The following CLASP1 variants were observed in gnomAD, a reference collection of about 807,000 sequenced individuals.
CLASP1 encodes CLIP-associating protein 1.
In CLASP1, 38 loss-of-function variants were observed where a neutral mutation model predicts 192.3. The observed-to-expected ratio is 0.20, with a 90% CI of 0.15 to 0.26. The LOEUF is 0.26. Among genes scored for constraint, CLASP1 ranks in the 10% least tolerant of loss-of-function variants. The probability of loss-of-function intolerance (pLI) is 1.00; values close to 1 mark genes in which losing one functional copy is unlikely to be tolerated. For synonymous variants in CLASP1, 691 were observed against 712.8 expected (o/e 0.97, Z 0.49); for missense variants, 1,433 against 1,932.5 (o/e 0.74, Z 4.85).
chr2:121,550,846 G>A (rs1271990691), intron 2 of CLASP1, among the ~76,000 whole-genome samples: 1 of 151,946 alleles, frequency 6.6e-6, no homozygotes, highest in Non-Finnish European at 1.5e-5. Flanking sequence ...TTGAGGAGGA[G>A]GGACTCCTAC....
chr2:121,407,287 T>G (rs1369823660), intron 25 of CLASP1, among the ~76,000 whole-genome samples, 184 bp downstream of exon 26: 2 of 151,750 alleles, frequency 1.3e-5, no homozygotes, highest in Non-Finnish European at 2.9e-5. Flanking sequence ...GCAAAGCAAA[T>G]GGATGGCAAG....
intron 2 of CLASP1, among the ~76,000 whole-genome samples, chr2:121,593,680 T>A (rs1216511632): frequency 2.0e-5 from 3 of 147,286 alleles, no homozygotes; most frequent in Non-Finnish European, 4.5e-5. Flanking sequence ...AAATGTAGTG[T>A]GTGTTCCAGA....
At chr2:121,400,517 T>C (rs759574998) in intron 28 of CLASP1, among the ~76,000 whole-genome samples, 2 of 152,094 alleles carry the variant, frequency 1.3e-5, no homozygotes, top group Non-Finnish European at 2.9e-5. Flanking sequence ...GTGCTATCCA[T>C]ACCACCCCCC....
chr2:121,409,125 G>C (rs2077324901), intron 24 of CLASP1: 1 of 1,227,474 alleles, frequency 8.1e-7, no homozygotes, highest in Non-Finnish European at 1.2e-6. Flanking sequence ...GATTGTTCTT[G>C]CAACAAAAGT....
At chr2:121,578,546 G>C (rs868555672) in intron 2 of CLASP1, among the ~76,000 whole-genome samples, 1 of 151,182 alleles carries the variant, frequency 6.6e-6, no homozygotes, top group African/African-American at 2.4e-5. Context: ...TGGCCAACAC[G>C]GTGAAACCCC....
At chr2:121,510,428 A>G (rs59341062) in intron 7 of CLASP1, among the ~76,000 whole-genome samples, 1 of 152,248 alleles carries the variant, frequency 6.6e-6, no homozygotes, top group African/African-American at 2.4e-5. Context: ...TATGCCAACA[A>G]TTAGATAACC....
At chr2:121,418,322 C>T (rs895693907) in intron 23 of CLASP1, among the ~76,000 whole-genome samples, 2 of 152,216 alleles carry the variant, frequency 1.3e-5, no homozygotes, top group East Asian at 3.8e-4. Flanking sequence ...CAACTAACTT[C>T]GGCTGAGTTT....
chr2:121,419,621 C>T (rs1472222691), intron 22 of CLASP1, among the ~76,000 whole-genome samples: 1 of 152,022 alleles, frequency 6.6e-6, no homozygotes, highest in African/African-American at 2.4e-5. Context: ...ACCGAGACTA[C>T]AAGACAGAAT....
chr2:121,355,640 G>C (rs1191251701), intron 37 of CLASP1, among the ~76,000 whole-genome samples: 1 of 152,210 alleles, frequency 6.6e-6, no homozygotes, highest in Non-Finnish European at 1.5e-5. Context: ...CAAGCTGCCT[G>C]AATCAGGGTG....
At chr2:121,573,683 T>C (rs2060186525) in intron 2 of CLASP1, among the ~76,000 whole-genome samples, 1 of 152,244 alleles carries the variant, frequency 6.6e-6, no homozygotes, top group Admixed American at 6.5e-5. Context: ...TTTGTATCAG[T>C]ATCAATATCC....
chr2:121,478,131 C>T (rs538044124), intron 8 of CLASP1, among the ~76,000 whole-genome samples: 11 of 152,122 alleles, frequency 7.2e-5, no homozygotes, highest in Admixed American at 2.0e-4. Context: ...AAATAATTAA[C>T]ATTATAGCCA....
intron 2 of CLASP1, among the ~76,000 whole-genome samples, chr2:121,577,925 C>CTGAT (rs1051873094): frequency 4.6e-5 from 7 of 151,946 alleles, no homozygotes; most frequent in Admixed American, 3.3e-4. Context: ...ATTTCATTGA[C>CTGAT]TGATTGATTG....
At chr2:121,418,873 T>C (rs2079032814) in intron 22 of CLASP1, 144 bp from the exon 23 acceptor site, 3 of 627,886 alleles carry the variant, frequency 4.8e-6, no homozygotes, top group Non-Finnish European at 5.8e-6. Flanking sequence ...CACCTATCCA[T>C]GCTGAGGTCT....
At chr2:121,411,960 T>A (rs1309874942) in intron 23 of CLASP1, among the ~76,000 whole-genome samples, 1 of 152,192 alleles carries the variant, frequency 6.6e-6, no homozygotes, top group African/African-American at 2.4e-5. Context: ...TGTTAACAAA[T>A]AAGACTTCGT....
chr2:121,397,408 T>C (rs1430538526), intron 29 of CLASP1, 125 bp from the exon 31 acceptor site: 2 of 779,972 alleles, frequency 2.6e-6, no homozygotes, highest in African/African-American at 1.7e-5. Context: ...CCTGTATCGA[T>C]AGTTTCCACG....
chr2:121,586,285 C>A (rs533675870), intron 2 of CLASP1, among the ~76,000 whole-genome samples: 13 of 152,180 alleles, frequency 8.5e-5, no homozygotes, highest in African/African-American at 2.9e-4. Flanking sequence ...CGCCACCACG[C>A]CCAGCTAATT....
intron 8 of CLASP1, among the ~76,000 whole-genome samples, chr2:121,495,673 T>C (rs529592852): frequency 2.0e-5 from 3 of 152,110 alleles, no homozygotes; most frequent in Non-Finnish European, 4.4e-5. Context: ...AAAAAACGAA[T>C]AAAAAATTTA....
At chr2:121,518,090 G>C (rs1479957321) in intron 6 of CLASP1, among the ~76,000 whole-genome samples, 1 of 150,532 alleles carries the variant, frequency 6.6e-6, no homozygotes, top group East Asian at 2.0e-4. Flanking sequence ...AATCAGCTGG[G>C]CGTGGTGGCA....
chr2:121,410,357 C>T (rs1248978087), intron 24 of CLASP1, among the ~76,000 whole-genome samples: 1 of 152,152 alleles, frequency 6.6e-6, no homozygotes, highest in African/African-American at 2.4e-5. Context: ...TCCACCACTG[C>T]TTCACATCCT....
Sources: gnomAD v4.1 joint callset for allele counts (sites outside exome capture counted in the v4.1 genomes callset) on GRCh38, gnomAD v4.1.1 for gene constraint, MANE v1.5 for transcripts, NCBI Gene and HGNC (gene_info 2026-07-23, HGNC 2026-07-21) for gene names.